ADAMTSL3: variants seen among roughly 807,000 people sequenced by gnomAD.
ADAMTSL3 encodes ADAMTS like 3.
A neutral mutation model predicts 201.7 loss-of-function variants in ADAMTSL3; 128 were observed. The ratio of observed to expected loss-of-function variants is 0.63; its 90% CI spans 0.55 to 0.73. The LOEUF is 0.73. Ranked by LOEUF, ADAMTSL3 falls within the 30% of genes least tolerant of loss-of-function variation. The pLI is 0.00. For synonymous variants in ADAMTSL3, 738 were observed against 748.4 expected, an observed-to-expected ratio of 0.99 and a Z score of 0.23; for missense variants, 1,990 against 2,119.6, an observed-to-expected ratio of 0.94 and a Z score of 1.20.
chr15:83,934,088 C>T (rs1417924951), intron 17 of ADAMTSL3, among the ~76,000 whole-genome samples: 1 of 152,186 alleles, frequency 6.6e-6, no homozygotes, highest in Admixed American at 6.5e-5. Flanking sequence ...CACTATCCTC[C>T]AGACACCAGA....
intron 26 of ADAMTSL3, among the ~76,000 whole-genome samples, chr15:84,023,462 T>C (rs1035385203): frequency 1.3e-5 from 2 of 152,088 alleles, no homozygotes; most frequent in Non-Finnish European, 2.9e-5. Context: ...AATAGGTTCC[T>C]TAGGACATGT....
intron 26 of ADAMTSL3, among the ~76,000 whole-genome samples, chr15:84,024,322 A>G (rs1157139936): frequency 6.6e-6 from 1 of 152,174 alleles, no homozygotes; most frequent in Admixed American, 6.5e-5. Flanking sequence ...AAAAATAACA[A>G]GATATAGTTG....
chr15:83,736,641 A>G (rs1265997630), intron 3 of ADAMTSL3, among the ~76,000 whole-genome samples: 1 of 152,194 alleles, frequency 6.6e-6, no homozygotes, highest in Non-Finnish European at 1.5e-5. Flanking sequence ...AGGTGAGAGG[A>G]GAGAAATTGG....
chr15:83,952,918 T>C (rs1438410252), intron 19 of ADAMTSL3, among the ~76,000 whole-genome samples: 1 of 152,226 alleles, frequency 6.6e-6, no homozygotes, highest in Non-Finnish European at 1.5e-5. Context: ...CCTTGAAATC[T>C]ATTTTGTCTG....
At chr15:83,971,143 C>T (rs916043654) in intron 20 of ADAMTSL3, among the ~76,000 whole-genome samples, 2 of 152,142 alleles carry the variant, frequency 1.3e-5, no homozygotes, top group African/African-American at 4.8e-5. Flanking sequence ...AATGAGCTTA[C>T]TATAAAGAGT....
At chr15:83,917,414 T>TGC (rs2066052860) in intron 16 of ADAMTSL3, among the ~76,000 whole-genome samples, 1 of 106,108 alleles carries the variant, frequency 9.4e-6, no homozygotes, top group Non-Finnish European at 1.9e-5. Context: ...GCTTCCAAAG[T>TGC]GTGTGTATGT....
At chr15:83,882,193 A>C (rs188591017) in intron 9 of ADAMTSL3, among the ~76,000 whole-genome samples, 1 of 152,286 alleles carries the variant, frequency 6.6e-6, no homozygotes, top group Non-Finnish European at 1.5e-5. Flanking sequence ...ACAGAAAAAG[A>C]AAAAGGAAAA....
At chr15:83,888,215 T>C (rs1179479443) in intron 10 of ADAMTSL3, among the ~76,000 whole-genome samples, 3 of 152,234 alleles carry the variant, frequency 2.0e-5, no homozygotes, top group Admixed American at 2.0e-4. Flanking sequence ...TGCCGTTTTC[T>C]ATACACTGGC....
At chr15:83,913,500 A>C in intron 16 of ADAMTSL3, 122 bp downstream of exon 16, 1 of 970,562 alleles carries the variant, frequency 1.0e-6, no homozygotes, top group South Asian at 1.7e-5. Flanking sequence ...AAGTCATTCA[A>C]ATAACTGAAA....
At chr15:83,688,749 T>TACACACACACACACACAC (rs1157433275) in intron 2 of ADAMTSL3, among the ~76,000 whole-genome samples, 11 of 48,964 alleles carry the variant, frequency 2.2e-4, no homozygotes, top group African/African-American at 7.8e-4. Context: ...TACACATGCA[T>TACACACACACACACACAC]ATATATACAC....
Position 83,819,916 on chromosome 15 carries a change from C to G in ADAMTSL3, c.469C>G (p.Pro157Ala). Residue 157 changes from proline (P) to alanine (A), a missense_variant, in exon 6 of 30, where the codon CCT (proline) becomes GCT (alanine). Physicochemically the swap from Pro to Ala is conservative, Grantham distance 27. Coordinates refer to ENST00000286744, the MANE Select transcript of ADAMTSL3 (RefSeq NM_207517.3). ...TGAATGGCTTCCACGATATAATGAT[C>G]CTGCTGCCCCGTGTGCACTCAAGTG... is the stretch of plus-strand genomic sequence containing the variant. ...YYEWLPRYND[P>A]AAPCALKCHA... The G allele has an allele frequency of 6.2e-7, 1 of 1,614,094 alleles. No homozygotes were observed. The highest frequency in any genetic ancestry group is 8.5e-7 in the Non-Finnish European group (1 of 1,180,018).
chr15:83,711,415 G>T (rs969031625), intron 3 of ADAMTSL3, among the ~76,000 whole-genome samples: 1 of 152,178 alleles, frequency 6.6e-6, no homozygotes, highest in African/African-American at 2.4e-5. Context: ...TGACCAAAAT[G>T]AGCAACTTAT....
At chr15:83,782,930 T>A (rs1376003835) in intron 4 of ADAMTSL3, among the ~76,000 whole-genome samples, 1 of 147,560 alleles carries the variant, frequency 6.8e-6, no homozygotes, top group Non-Finnish European at 1.5e-5. Context: ...ATATATATAT[T>A]ATATGTATAT....
intron 15 of ADAMTSL3, among the ~76,000 whole-genome samples, chr15:83,909,359 T>C (rs947304032): frequency 2.0e-5 from 3 of 152,198 alleles, no homozygotes; most frequent in African/African-American, 7.2e-5. Flanking sequence ...ATCATTTTTA[T>C]TACTTTTTCC....
intron 11 of ADAMTSL3, 44 bp from the exon 12 acceptor site, chr15:83,891,285 A>T: frequency 1.4e-6 from 2 of 1,431,878 alleles, no homozygotes; most frequent in Non-Finnish European, 2.0e-6. Flanking sequence ...TGAATGTGTT[A>T]ATTTATTATA....
At chr15:83,923,177 G>A (rs1404590832) in intron 16 of ADAMTSL3, among the ~76,000 whole-genome samples, 1 of 152,166 alleles carries the variant, frequency 6.6e-6, no homozygotes, top group Non-Finnish European at 1.5e-5. Context: ...CACTGAATTA[G>A]GAGGCAGGGA....
chr15:83,948,859 AT>A (rs2066707628), intron 19 of ADAMTSL3, among the ~76,000 whole-genome samples: 1 of 151,778 alleles, frequency 6.6e-6, no homozygotes, highest in South Asian at 2.1e-4. Flanking sequence ...TTCTTTTTGA[AT>A]TTTTTTATTT....
At chr15:83,928,404 T>C (rs923696412) in intron 17 of ADAMTSL3, among the ~76,000 whole-genome samples, 9 of 152,244 alleles carry the variant, frequency 5.9e-5, no homozygotes, top group Non-Finnish European at 8.8e-5. Context: ...TTTCTAGATT[T>C]AAATCTTACT....
At chr15:83,881,642 G>C (rs2141857156) in intron 9 of ADAMTSL3, among the ~76,000 whole-genome samples, 1 of 150,586 alleles carries the variant, frequency 6.6e-6, no homozygotes, top group East Asian at 2.0e-4. Flanking sequence ...ATCACCTGCT[G>C]TCAGGAGTTT....
Sources: gnomAD v4.1 joint callset for allele counts (sites outside exome capture counted in the v4.1 genomes callset) on GRCh38, gnomAD v4.1.1 for gene constraint, MANE v1.5 for transcripts, NCBI Gene and HGNC (gene_info 2026-07-23, HGNC 2026-07-21) for gene names.